PHF21B: variants seen among roughly 807,000 people sequenced by gnomAD.
The protein encoded by PHF21B is PHD finger protein 4.
Under a neutral mutation model 62.2 loss-of-function variants are expected in PHF21B, and 22 were observed. The ratio of observed to expected loss-of-function variants is 0.35; its 90% confidence interval spans 0.25 to 0.51. The LOEUF (loss-of-function observed/expected upper bound fraction) is 0.51, where lower values mean the gene tolerates loss of function less well. PHF21B is among the 20% of genes least tolerant of loss of function. The probability of loss-of-function intolerance (pLI) is 0.97; values close to 1 mark genes in which losing one functional copy is unlikely to be tolerated. For synonymous variants in PHF21B, 341 were observed against 314.7 expected (o/e 1.08, Z -0.88); for missense variants, 701 against 707.9 (o/e 0.99, Z 0.11).
At chr22:44,984,170 TCAC>T (rs2072900018) in intron 2 of PHF21B, among the ~76,000 whole-genome samples, 2 of 145,754 alleles carry the variant, frequency 1.4e-5, no homozygotes, top group Non-Finnish European at 3.0e-5. Flanking sequence ...ACCACCATCA[TCAC>T]CATCACAACC....
chr22:44,965,578 C>T (rs1399828242), intron 2 of PHF21B, among the ~76,000 whole-genome samples: 1 of 152,194 alleles, frequency 6.6e-6, no homozygotes, highest in African/African-American at 2.4e-5. Flanking sequence ...GCAGCCTCTC[C>T]TCCCTGCCTC....
chr22:44,921,154 A>G (rs1032314642), intron 2 of PHF21B, among the ~76,000 whole-genome samples: 2 of 152,170 alleles, frequency 1.3e-5, no homozygotes, highest in South Asian at 2.1e-4. Flanking sequence ...CAGCCCCCCA[A>G]TATGGGGGTC....
chr22:44,987,875 A>G (rs5765109), intron 2 of PHF21B, among the ~76,000 whole-genome samples: 137,503 of 151,830 alleles, frequency 0.91, 62,317 homozygotes, highest in Middle Eastern at 0.94. Context: ...CTCCCCCAGC[A>G]GGTGGGTAGA....
intron 2 of PHF21B, among the ~76,000 whole-genome samples, chr22:44,950,822 T>G (rs2072178001): frequency 6.6e-6 from 1 of 152,164 alleles, no homozygotes; most frequent in Non-Finnish European, 1.5e-5. Flanking sequence ...CCATTGGGCC[T>G]TTCCCCCTTT....
chr22:44,954,823 G>C (rs1375303297), intron 2 of PHF21B, among the ~76,000 whole-genome samples: 2 of 152,218 alleles, frequency 1.3e-5, no homozygotes, highest in African/African-American at 4.8e-5. Flanking sequence ...GGCCCCGCTG[G>C]AAGACAGGCT....
At chr22:44,919,899 G>A (rs992057723) in intron 3 of PHF21B, among the ~76,000 whole-genome samples, 3 of 152,236 alleles carry the variant, frequency 2.0e-5, no homozygotes, top group Non-Finnish European at 2.9e-5. Context: ...GAGGTCAGGT[G>A]ACTGGGGCAA....
intron 10 of PHF21B, among the ~76,000 whole-genome samples, chr22:44,886,591 G>A (rs2070862915): frequency 6.6e-6 from 1 of 152,006 alleles, no homozygotes; most frequent in East Asian, 1.9e-4. Flanking sequence ...GGAGGCTGAG[G>A]TGGGAAGATT....
At chr22:44,941,289 A>G (rs1416708706) in intron 2 of PHF21B, among the ~76,000 whole-genome samples, 5 of 152,166 alleles carry the variant, frequency 3.3e-5, no homozygotes, top group African/African-American at 1.2e-4. Flanking sequence ...CCTGCAAGCT[A>G]CACCGCGCCA....
chr22:44,988,080 C>G (rs1231321595), intron 2 of PHF21B, among the ~76,000 whole-genome samples: 2 of 152,226 alleles, frequency 1.3e-5, no homozygotes, highest in Non-Finnish European at 2.9e-5. Flanking sequence ...ATTTAGGAAG[C>G]AGAGCCTAGG....
chr22:44,924,749 T>C (rs918198950), intron 2 of PHF21B, among the ~76,000 whole-genome samples: 2 of 152,238 alleles, frequency 1.3e-5, no homozygotes, highest in African/African-American at 2.4e-5. Context: ...ATTTTTGTTA[T>C]GGCAGCCTGG....
At chr22:44,896,880 G>GTTTTTGTTTTT (rs2071067082) in intron 5 of PHF21B, among the ~76,000 whole-genome samples, 3 of 84,092 alleles carry the variant, frequency 3.6e-5, no homozygotes, top group Non-Finnish European at 7.3e-5. Flanking sequence ...AGTTTTATCT[G>GTTTTTGTTTTT]TTTTTTTTTT....
At chr22:44,954,298 T>G (rs1445164475) in intron 2 of PHF21B, among the ~76,000 whole-genome samples, 1 of 152,234 alleles carries the variant, frequency 6.6e-6, no homozygotes, top group Non-Finnish European at 1.5e-5. Context: ...CATCACTCCC[T>G]CCCTCTTTGG....
chr22:44,906,282 G>C lies in PHF21B; in HGVS notation c.831+7540C>G, dbSNP rs76167705. 3.2e-4 allele frequency among the ~76,000 whole-genome samples: 48 copies of C among 152,324 alleles called. No individual in the cohort carries two copies. In the East Asian group the frequency reaches 8.7e-3, roughly 28 times the overall value. On this transcript the variant is annotated intron_variant, in intron 5 of 12. Coordinates refer to ENST00000313237, the MANE Select transcript of PHF21B (RefSeq NM_138415.5). ...CGGGGTGCTTGGATGGAGTTCAAGA[G>C]GGGGAGTGACTTAGTTATTTCTGAA...
Position 44,916,442 on chromosome 22 carries a change from G to C in PHF21B, c.402C>G (p.Ala134=). 1 of 1,599,198 alleles carries C rather than the reference G, an allele frequency of 6.3e-7. No homozygotes were observed. Among genetic ancestry groups the C allele is most frequent in the Non-Finnish European group, 8.5e-7 (1 of 1,176,670 alleles). ...GCGGAGAGGCGAGGGCGGCGGGCTC[G>C]GCGAGGGCCTGGGGCTGGCTGCCGG... ...PAPGSQPQAL[A]EPAALASPLS... The change falls in exon 4 of 13, where the codon GCC becomes GCG. Residue 134 remains alanine, a synonymous_variant. Coordinates refer to ENST00000313237, the MANE Select transcript of PHF21B (RefSeq NM_138415.5).
At position 44,916,749 on chromosome 22, in the gene PHF21B, A is replaced by G. The variant is rs906652873; in HGVS notation, c.214-119T>C. 7 of 928,050 alleles carry G rather than the reference A, an allele frequency of 7.5e-6. No individual in the cohort carries two copies. The Admixed American group carries it at 9.1e-5, about 12-fold the overall frequency. The allele number at this position is 928,050 out of a possible 1,614,324, so 57.5% of individuals were successfully genotyped here. A position where few individuals can be genotyped will look rare whatever the true frequency, so the allele number is the denominator to read the frequency against. On this transcript the variant is annotated intron_variant, in intron 3 of 12. Coordinates refer to ENST00000313237, the MANE Select transcript of PHF21B (RefSeq NM_138415.5). Reference sequence around the variant, plus strand: ...GGGAAGGGGCAGCACTGGAAAGAGCACAGCGCCTGTCACGGCCTCACAGCA... The same window carrying G: ...GGGAAGGGGCAGCACTGGAAAGAGCGCAGCGCCTGTCACGGCCTCACAGCA...
chr22:44,955,092 A>G (rs758984667), intron 2 of PHF21B, among the ~76,000 whole-genome samples: 40 of 152,184 alleles, frequency 2.6e-4, no homozygotes, highest in Non-Finnish European at 2.1e-4. Context: ...GAGGGGGCAG[A>G]GGGTGGGAAT....
At chr22:44,887,918 C>A (rs1333711120) in intron 10 of PHF21B, 45 bp downstream of exon 10, 8 of 1,398,318 alleles carry the variant, frequency 5.7e-6, no homozygotes, top group Non-Finnish European at 9.3e-7. Flanking sequence ...ACGGTGGGGA[C>A]CTCCATGCCA....
chr22:44,896,179 C>G, intron 5 of PHF21B, 96 bp from the exon 6 acceptor site: 1 of 1,367,544 alleles, frequency 7.3e-7, no homozygotes, highest in Non-Finnish European at 1.0e-6. Flanking sequence ...AGGGCGATAC[C>G]TCATGGGTGC....
chr22:44,997,754 C>T (rs2073146457), intron 2 of PHF21B, among the ~76,000 whole-genome samples: 1 of 152,370 alleles, frequency 6.6e-6, no homozygotes, highest in South Asian at 2.1e-4. Flanking sequence ...CCCCTCCTCT[C>T]CTGCCTCATC....
Sources: allele counts gnomAD v4.1 joint callset (sites outside exome capture counted in the v4.1 genomes callset), GRCh38; gene constraint gnomAD v4.1.1; transcripts MANE v1.5; gene names NCBI Gene and HGNC (gene_info 2026-07-23, HGNC 2026-07-21).